Variants in IL1RAPL1 observed in about 807,000 individuals in gnomAD.
IL1RAPL1 encodes interleukin-1 receptor accessory protein-like 1.
A neutral mutation model predicts 48.4 loss-of-function variants in IL1RAPL1; 3 were observed. The observed-to-expected ratio is 0.06, with a 90% CI of 0.03 to 0.16. IL1RAPL1 has a LOEUF of 0.16. Among genes scored for constraint, IL1RAPL1 ranks in the 10% least tolerant of loss-of-function variants. The probability of loss-of-function intolerance (pLI) is 1.00; values close to 1 mark genes in which losing one functional copy is unlikely to be tolerated. For synonymous variants in IL1RAPL1, 185 were observed against 187.7 expected, an observed-to-expected ratio of 0.99 and a Z score of 0.12; for missense variants, 349 against 530.6, an observed-to-expected ratio of 0.66 and a Z score of 3.36.
intron 2 of IL1RAPL1, among the ~76,000 whole-genome samples, chrX:29,158,585 C>G (rs995148814): frequency 9.0e-6 from 1 of 110,846 alleles, no homozygotes; most frequent in Non-Finnish European, 1.9e-5. Flanking sequence ...CCATGTTGAA[C>G]AGGCTGGTCT....
intron 5 of IL1RAPL1, among the ~76,000 whole-genome samples, chrX:29,446,280 A>G (rs1168846763): frequency 8.9e-6 from 1 of 111,982 alleles, no homozygotes; most frequent in Non-Finnish European, 1.9e-5. Context: ...CCCGGTGAGT[A>G]GGAACCTCAT....
chrX:28,811,792 A>T (rs1268890765), intron 2 of IL1RAPL1, among the ~76,000 whole-genome samples: 2 of 111,107 alleles, frequency 1.8e-5, no homozygotes, highest in Admixed American at 1.9e-4. Context: ...CCACAAGCTG[A>T]GAGAGGAGCA....
chrX:29,332,858 C>T (rs1932902426), intron 3 of IL1RAPL1, among the ~76,000 whole-genome samples: 1 of 110,029 alleles, frequency 9.1e-6, no homozygotes, highest in African/African-American at 3.3e-5. Flanking sequence ...TCTTAACGAG[C>T]ATGCTGCCTT....
At position 29,956,672 on chromosome X, in the gene IL1RAPL1, TATATAA is replaced by T. The variant is rs1424709488; in HGVS notation, c.*864_*869del. The T allele has an allele frequency of 2.2e-5, 2 of 90,200 alleles. No individual in the cohort carries two copies. The highest frequency in any genetic ancestry group is 8.3e-5 in the African/African-American group (2 of 24,226). The allele number at this position is 90,200 out of a possible 1,213,427, so 7.4% of individuals were successfully genotyped here. A position where few individuals can be genotyped will look rare whatever the true frequency, so the allele number is the denominator to read the frequency against. On this transcript the variant is annotated 3_prime_UTR_variant, in exon 11 of 11. Transcript: ENST00000378993. ...GTACCCTTATATATATATACATATA[TATATAA>T]ATATAAATATATATAAAAACAACAA...
In IL1RAPL1 at chrX:29,587,178, T is replaced by C. The variant is rs773375906; in HGVS notation, c.704-81252T>C. Among the ~76,000 whole-genome samples, 4 of 111,520 alleles carry C rather than the reference T, an allele frequency of 3.6e-5. No homozygotes were observed. In the South Asian group the frequency reaches 1.5e-3, roughly 42 times the overall value. On this transcript the variant is annotated intron_variant, in intron 5 of 10. Coordinates refer to ENST00000378993, the MANE Select transcript of IL1RAPL1 (RefSeq NM_014271.4). ...AGGAGTTTAGTCAGTTATTCTTTCA[T>C]GTGTTATTGAAACTCAGTTTTGAGT...
At chrX:29,297,743 G>T (rs1377526029) in intron 3 of IL1RAPL1, among the ~76,000 whole-genome samples, 1 of 112,132 alleles carries the variant, frequency 8.9e-6, no homozygotes, top group Non-Finnish European at 1.9e-5. Context: ...CTTAATCAGT[G>T]CACTCATAAA....
chrX:29,236,329 G>A (rs1054847217), intron 2 of IL1RAPL1, among the ~76,000 whole-genome samples: 17 of 110,879 alleles, frequency 1.5e-4, no homozygotes, highest in Non-Finnish European at 3.0e-4. Context: ...CACTTACGTT[G>A]GATTGGGGGA....
At chrX:29,582,163 T>C (rs2033732868) in intron 5 of IL1RAPL1, among the ~76,000 whole-genome samples, 1 of 111,099 alleles carries the variant, frequency 9.0e-6, no homozygotes, top group Admixed American at 9.6e-5. Flanking sequence ...TATCAGTTTT[T>C]AATATTTGCT....
At chrX:29,111,925 CTTTTTTTTTTT>C (rs34885583) in intron 2 of IL1RAPL1, among the ~76,000 whole-genome samples, 1 of 59,762 alleles carries the variant, frequency 1.7e-5, no homozygotes, top group Non-Finnish European at 3.2e-5. Flanking sequence ...TTTCACTTTT[CTTTTTTTTTTT>C]TTTTTTTTTT....
chrX:28,603,352 C>T (rs1206205821), intron 1 of IL1RAPL1, among the ~76,000 whole-genome samples: 4 of 111,816 alleles, frequency 3.6e-5, no homozygotes, highest in African/African-American at 9.8e-5. Flanking sequence ...TGACATACTT[C>T]TGTGTTCAGT....
intron 1 of IL1RAPL1, among the ~76,000 whole-genome samples, chrX:28,745,908 T>C (rs1469152859): frequency 8.9e-6 from 1 of 111,954 alleles, no homozygotes; most frequent in Non-Finnish European, 1.9e-5. Context: ...TAAGGAGGAC[T>C]GAACATGTTG....
At chrX:29,539,511 A>C (rs1259876922) in intron 5 of IL1RAPL1, among the ~76,000 whole-genome samples, 1 of 111,012 alleles carries the variant, frequency 9.0e-6, no homozygotes, top group East Asian at 2.8e-4. Flanking sequence ...CTATGTCCCC[A>C]CCCAAATCTC....
At chrX:29,701,207 G>A (rs2147115623) in intron 6 of IL1RAPL1, among the ~76,000 whole-genome samples, 1 of 112,068 alleles carries the variant, frequency 8.9e-6, no homozygotes, top group East Asian at 2.8e-4. Context: ...GGGGTCTGGA[G>A]CCAGACCACT....
At chrX:29,471,836 A>G (rs1019407574) in intron 5 of IL1RAPL1, among the ~76,000 whole-genome samples, 3 of 111,263 alleles carry the variant, frequency 2.7e-5, no homozygotes, top group African/African-American at 9.8e-5. Flanking sequence ...TCTTTCACTT[A>G]TCATCAGGAT....
At chrX:29,472,599 A>G (rs1934933070) in intron 5 of IL1RAPL1, among the ~76,000 whole-genome samples, 1 of 111,734 alleles carries the variant, frequency 8.9e-6, no homozygotes, top group Admixed American at 9.6e-5. Context: ...ACAAGGCACA[A>G]CATTTTTAAA....
rs1350275884 is a variant in IL1RAPL1 at position 29,880,674 on chromosome X, AT to A, written c.779-36781del. Among the ~76,000 whole-genome samples the A allele has an allele frequency of 3.5e-3, 384 of 110,217 alleles. 1 individual carries two copies. Among genetic ancestry groups the A allele is most frequent in the Non-Finnish European group, 5.7e-3 (299 of 52,445 alleles). ...GCAAGAACTGAAGTATTCAATCAAC[AT>A]TTTTTTTTCCATCAAACTTCCCTTT... On this transcript the variant is annotated intron_variant, in intron 6 of 10. Transcript: ENST00000378993.
intron 2 of IL1RAPL1, among the ~76,000 whole-genome samples, chrX:29,173,089 C>T (rs1009077577): frequency 2.7e-5 from 3 of 110,837 alleles, no homozygotes; most frequent in East Asian, 5.7e-4. Context: ...CTTGATAATC[C>T]CCTGCGTAAT....
intron 2 of IL1RAPL1, among the ~76,000 whole-genome samples, chrX:29,242,549 A>G (rs1056899840): frequency 2.8e-4 from 32 of 112,594 alleles, no homozygotes; most frequent in African/African-American, 1.0e-3. Flanking sequence ...AGGCTCATTC[A>G]TTCAACATGT....
chrX:29,938,312 T>C (rs748830261), intron 8 of IL1RAPL1, among the ~76,000 whole-genome samples: 31 of 112,182 alleles, frequency 2.8e-4, no homozygotes, highest in South Asian at 1.1e-3. Context: ...GTTTATTAGA[T>C]TGATCAGATT....
Sources: allele counts gnomAD v4.1 joint callset (sites outside exome capture counted in the v4.1 genomes callset), GRCh38; gene constraint gnomAD v4.1.1; transcripts MANE v1.5; gene names NCBI Gene and HGNC (gene_info 2026-07-23, HGNC 2026-07-21).